APBB2: variants seen among roughly 807,000 people sequenced by gnomAD.
APBB2 encodes amyloid beta precursor protein binding family B member 2.
Under a neutral mutation model 82.5 loss-of-function variants are expected in APBB2, and 38 were observed. That is an observed-to-expected ratio of 0.46 (90% confidence interval 0.36 to 0.60). APBB2 has a LOEUF of 0.60. APBB2 is among the 20% of genes least tolerant of loss of function. APBB2 has a pLI of 0.00. For synonymous variants in APBB2, 341 were observed against 368.2 expected (o/e 0.93, Z 0.85); for missense variants, 772 against 972.3 (o/e 0.79, Z 2.74).
chr4:40,933,106 C>T (rs11933889), intron 10 of APBB2, among the ~76,000 whole-genome samples: 32,168 of 152,128 alleles, frequency 0.21, 3,580 homozygotes, highest in Admixed American at 0.27. Context: ...TCAGGTGATC[C>T]GCCGCCCTCG....
At chr4:40,988,932 AT>A (rs1364390327) in intron 6 of APBB2, among the ~76,000 whole-genome samples, 1 of 151,608 alleles carries the variant, frequency 6.6e-6, no homozygotes, top group Admixed American at 6.6e-5. Flanking sequence ...CACTCAGATA[AT>A]TTTTTAGTAG....
At chr4:41,049,671 G>A (rs2154458680) in intron 4 of APBB2, among the ~76,000 whole-genome samples, 1 of 152,344 alleles carries the variant, frequency 6.6e-6, no homozygotes, top group African/African-American at 2.4e-5. Flanking sequence ...TGATGACGAT[G>A]GCGGTTTTGT....
At chr4:41,185,682 T>C (rs1198716431) in intron 1 of APBB2, among the ~76,000 whole-genome samples, 3 of 152,218 alleles carry the variant, frequency 2.0e-5, no homozygotes, top group Non-Finnish European at 4.4e-5. Flanking sequence ...TTAATTGCAT[T>C]TGGCTCTGGA....
intron 1 of APBB2, among the ~76,000 whole-genome samples, chr4:41,156,195 A>C (rs949225283): frequency 6.6e-6 from 1 of 152,234 alleles, no homozygotes; most frequent in African/African-American, 2.4e-5. Flanking sequence ...CGAAAATAGG[A>C]AAAGGAGAAG....
chr4:40,902,547 T>C (rs1037227166), intron 10 of APBB2, among the ~76,000 whole-genome samples: 1 of 152,164 alleles, frequency 6.6e-6, no homozygotes, highest in African/African-American at 2.4e-5. Context: ...TTTTTGTATT[T>C]TTTTGAGATG....
intron 15 of APBB2, 84 bp from the exon 16 acceptor site, chr4:40,823,843 C>T (rs902933421): frequency 8.2e-5 from 66 of 802,064 alleles, no homozygotes; most frequent in Non-Finnish European, 9.6e-5. Flanking sequence ...ATAACAGCTA[C>T]GCCCAGACTG....
intron 3 of APBB2, among the ~76,000 whole-genome samples, chr4:41,094,902 T>C (rs1213231787): frequency 1.3e-5 from 2 of 152,218 alleles, no homozygotes; most frequent in Non-Finnish European, 2.9e-5. Context: ...ATCTGCCATA[T>C]TTTATTAAGC....
At chr4:41,181,942 C>CAAAA (rs35142945) in intron 1 of APBB2, among the ~76,000 whole-genome samples, 3 of 93,872 alleles carry the variant, frequency 3.2e-5, no homozygotes, top group Non-Finnish European at 4.5e-5. Context: ...GAAACTGTCT[C>CAAAA]AAAAAAAAAA....
chr4:40,932,875 T>C (rs1180872988), intron 10 of APBB2, among the ~76,000 whole-genome samples: 1 of 151,512 alleles, frequency 6.6e-6, no homozygotes, highest in Non-Finnish European at 1.5e-5. Context: ...TTGTTTTGTT[T>C]TGTTTCGAGA....
intron 1 of APBB2, among the ~76,000 whole-genome samples, chr4:41,197,731 G>A: frequency 6.6e-6 from 1 of 152,094 alleles, no homozygotes; most frequent in African/African-American, 2.4e-5. Flanking sequence ...AACTTTTCCT[G>A]ATACTCCTAG....
At chr4:41,214,244 C>T (rs1335283956) in intron 1 of APBB2, among the ~76,000 whole-genome samples, 161 bp downstream of exon 1, 1 of 152,166 alleles carries the variant, frequency 6.6e-6, no homozygotes. Flanking sequence ...GCTGAGCGGG[C>T]AGCAGTGGCC....
intron 3 of APBB2, among the ~76,000 whole-genome samples, chr4:41,083,567 AG>A: frequency 6.6e-6 from 1 of 151,736 alleles, no homozygotes; most frequent in East Asian, 1.9e-4. Flanking sequence ...CCGCACCTAT[AG>A]TCGCAGCTAC....
intron 10 of APBB2, among the ~76,000 whole-genome samples, chr4:40,931,061 A>G (rs1485094529): frequency 6.6e-6 from 1 of 151,972 alleles, no homozygotes. Context: ...TATTATTTTT[A>G]AAGTCAGGAT....
chr4:40,831,551 G>A (rs1751906888), intron 12 of APBB2, among the ~76,000 whole-genome samples: 1 of 152,188 alleles, frequency 6.6e-6, no homozygotes, highest in Non-Finnish European at 1.5e-5. Flanking sequence ...AAGGCTTGAG[G>A]AGCGCATGAA....
chr4:41,138,420 G>A (rs1001297150), intron 2 of APBB2, among the ~76,000 whole-genome samples: 2 of 152,032 alleles, frequency 1.3e-5, no homozygotes, highest in African/African-American at 4.8e-5. Flanking sequence ...TCATTGTTGG[G>A]GGGAAAGACA....
At chr4:41,162,664 G>T (rs1049745973) in intron 1 of APBB2, among the ~76,000 whole-genome samples, 16 of 151,990 alleles carry the variant, frequency 1.1e-4, no homozygotes, top group African/African-American at 3.9e-4. Context: ...GACCAGCCTG[G>T]GCAACATGGC....
intron 3 of APBB2, among the ~76,000 whole-genome samples, chr4:41,100,268 A>G (rs1451004012): frequency 6.6e-6 from 1 of 152,226 alleles, no homozygotes; most frequent in East Asian, 1.9e-4. Context: ...GCCTATCCAA[A>G]ATATCTAAAA....
chr4:40,910,612 G>C (rs527983076), intron 10 of APBB2, among the ~76,000 whole-genome samples: 2 of 152,320 alleles, frequency 1.3e-5, no homozygotes, highest in Admixed American at 1.3e-4. Flanking sequence ...TCAATCTAAA[G>C]GGGGATCCTT....
intron 6 of APBB2, among the ~76,000 whole-genome samples, chr4:40,977,171 A>T (rs1211185867): frequency 6.6e-6 from 1 of 152,238 alleles, no homozygotes; most frequent in East Asian, 1.9e-4. Flanking sequence ...AAGGCTTGAG[A>T]TGAGGAAATA....
Sources: gnomAD v4.1 joint callset for allele counts (sites outside exome capture counted in the v4.1 genomes callset) on GRCh38, gnomAD v4.1.1 for gene constraint, MANE v1.5 for transcripts, NCBI Gene and HGNC (gene_info 2026-07-23, HGNC 2026-07-21) for gene names.